Variants in GALNT7 observed in about 807,000 individuals in gnomAD.
GALNT7 encodes polypeptide N-acetylgalactosaminyltransferase 7.
A neutral mutation model predicts 82.1 loss-of-function variants in GALNT7; 60 were observed. That is an observed-to-expected ratio of 0.73 (90% CI 0.59 to 0.91). GALNT7 has a LOEUF of 0.91. Ranked by LOEUF, GALNT7 falls within the 40% of genes least tolerant of loss-of-function variation. GALNT7 has a pLI of 0.00. For missense variants in GALNT7, 660 were observed against 804.2 expected (o/e 0.82, Z 2.17); for synonymous variants, 243 against 275.1 (o/e 0.88, Z 1.15).
rs559187873 is a variant in GALNT7 at position 173,283,525 on chromosome 4, G to A, written c.588-8583G>A. On this transcript the variant is annotated intron_variant, in intron 2 of 11. Transcript: ENST00000265000. ...CGTGGTGGCAGGCACCCATAATCCC[G>A]GCTACTTGGGAGGCTGAAGCAGGAG... Among the ~76,000 whole-genome samples the A allele has an allele frequency of 2.6e-4, 39 of 151,860 alleles. No individual in the cohort carries two copies. In the South Asian group the frequency reaches 7.3e-3, roughly 28 times the overall value.
chr4:173,295,620 A>T, intron 4 of GALNT7, 94 bp downstream of exon 4: 1 of 1,311,814 alleles, frequency 7.6e-7, no homozygotes, highest in Non-Finnish European at 1.1e-6. Context: ...TTTAATTGAA[A>T]TGAGAATGCT....
chr4:173,181,464 T>G (rs1732244011), intron 1 of GALNT7, among the ~76,000 whole-genome samples: 1 of 152,194 alleles, frequency 6.6e-6, no homozygotes, highest in African/African-American at 2.4e-5. Context: ...AATTCTCTAT[T>G]CTAAAAATAT....
chr4:173,212,172 G>A (rs536510187), intron 1 of GALNT7, among the ~76,000 whole-genome samples: 1 of 152,278 alleles, frequency 6.6e-6, no homozygotes, highest in South Asian at 2.1e-4. Flanking sequence ...GAGATATGGA[G>A]AAAAATGTTT....
At chr4:173,255,838 C>T (rs1247484936) in intron 2 of GALNT7, among the ~76,000 whole-genome samples, 1 of 152,188 alleles carries the variant, frequency 6.6e-6, no homozygotes, top group Admixed American at 6.5e-5. Flanking sequence ...GGAACACACG[C>T]CCCTTTCCCT....
At chr4:173,177,696 G>A (rs1732093787) in intron 1 of GALNT7, among the ~76,000 whole-genome samples, 1 of 152,154 alleles carries the variant, frequency 6.6e-6, no homozygotes, top group African/African-American at 2.4e-5. Flanking sequence ...GAACTGATTA[G>A]AATGAAAGCT....
At chr4:173,206,992 C>A (rs906169623) in intron 1 of GALNT7, among the ~76,000 whole-genome samples, 1 of 152,250 alleles carries the variant, frequency 6.6e-6, no homozygotes, top group African/African-American at 2.4e-5. Context: ...CCATCACCAG[C>A]TTCCCATTGA....
chr4:173,234,622 A>G (rs757480654), intron 1 of GALNT7, among the ~76,000 whole-genome samples: 6 of 152,300 alleles, frequency 3.9e-5, no homozygotes, highest in East Asian at 3.9e-4. Context: ...CGTAATTACT[A>G]TAATTTGAAT....
At chr4:173,197,574 G>T (rs992682322) in intron 1 of GALNT7, among the ~76,000 whole-genome samples, 1 of 152,300 alleles carries the variant, frequency 6.6e-6, no homozygotes, top group South Asian at 2.1e-4. Context: ...GTAGTACCTA[G>T]TGTTGTTGGA....
At chr4:173,256,632 G>A (rs372080749) in intron 2 of GALNT7, among the ~76,000 whole-genome samples, 15 of 140,878 alleles carry the variant, frequency 1.1e-4, no homozygotes, top group African/African-American at 2.4e-4. Context: ...TCTTTCTTTC[G>A]CATACCCTTG....
At chr4:173,182,450 C>T (rs1732277122) in intron 1 of GALNT7, among the ~76,000 whole-genome samples, 1 of 151,950 alleles carries the variant, frequency 6.6e-6, no homozygotes, top group African/African-American at 2.4e-5. Context: ...CAGTGGATTC[C>T]TTTCTCTGAT....
At chr4:173,301,059 C>T (rs7666228) in intron 6 of GALNT7, among the ~76,000 whole-genome samples, 5,116 of 151,852 alleles carry the variant, frequency 0.034, 277 homozygotes, top group African/African-American at 0.12. Context: ...TGCTTGAGCC[C>T]AGAAGGTCAA....
At chr4:173,236,707 G>A (rs755467767) in intron 1 of GALNT7, among the ~76,000 whole-genome samples, 1 of 152,168 alleles carries the variant, frequency 6.6e-6, no homozygotes, top group Non-Finnish European at 1.5e-5. Flanking sequence ...ATGTACTGGG[G>A]AGCCTCTACT....
intron 1 of GALNT7, among the ~76,000 whole-genome samples, chr4:173,194,747 G>A (rs1289961823): frequency 3.3e-5 from 5 of 152,000 alleles, no homozygotes; most frequent in South Asian, 2.1e-4. Flanking sequence ...CCATTAACTC[G>A]TCATTTACAT....
At chr4:173,273,077 A>G (rs573118618) in intron 2 of GALNT7, among the ~76,000 whole-genome samples, 2 of 152,306 alleles carry the variant, frequency 1.3e-5, no homozygotes, top group South Asian at 4.1e-4. Context: ...TCATGCTGCT[A>G]CTGTAAGACT....
In GALNT7 at chr4:173,321,807, TTAACTCTGTA is replaced by T. The variant is rs1247558644; in HGVS notation, c.*93_*102del. On this transcript the variant is annotated 3_prime_UTR_variant, in exon 12 of 12. Coordinates refer to ENST00000265000, the MANE Select transcript of GALNT7 (RefSeq NM_017423.3). ...CTGAAACCTGCTGCAACTATTGTTATTAACTCTGTATAGCTCCAAACCTGGAACCTCCTGA... is the reference window on the plus strand; with the variant it reads ...CTGAAACCTGCTGCAACTATTGTTATTAGCTCCAAACCTGGAACCTCCTGA... 1.2e-6 allele frequency: 1 copy of T among 837,664 alleles called. No individual in the cohort carries two copies. Among genetic ancestry groups the T allele is most frequent in the Non-Finnish European group, 2.0e-6 (1 of 512,576 alleles). The allele number at this position is 837,664 out of a possible 1,614,324, so 51.9% of individuals were successfully genotyped here.
intron 1 of GALNT7, among the ~76,000 whole-genome samples, chr4:173,203,851 A>G (rs190140057): frequency 1.7e-4 from 26 of 152,338 alleles, no homozygotes. Context: ...TTTAACCTTC[A>G]TACTAAAGTA....
chr4:173,282,132 C>G (rs1736134628), intron 2 of GALNT7, among the ~76,000 whole-genome samples: 1 of 152,176 alleles, frequency 6.6e-6, no homozygotes, highest in African/African-American at 2.4e-5. Flanking sequence ...GTAACTTCTC[C>G]TATCAGTAAA....
intron 2 of GALNT7, among the ~76,000 whole-genome samples, chr4:173,277,252 T>C (rs1192209965): frequency 6.6e-6 from 1 of 152,118 alleles, no homozygotes; most frequent in Non-Finnish European, 1.5e-5. Flanking sequence ...TATATGAGTA[T>C]CTCATAGAAC....
At chr4:173,274,875 G>A (rs1735845316) in intron 2 of GALNT7, among the ~76,000 whole-genome samples, 1 of 152,190 alleles carries the variant, frequency 6.6e-6, no homozygotes, top group Non-Finnish European at 1.5e-5. Context: ...AATGGATCCT[G>A]TTGGATTCCT....
Sources: gnomAD v4.1 joint callset for allele counts (sites outside exome capture counted in the v4.1 genomes callset) on GRCh38, gnomAD v4.1.1 for gene constraint, MANE v1.5 for transcripts, NCBI Gene and HGNC (gene_info 2026-07-23, HGNC 2026-07-21) for gene names.